Variants in STPG2 observed in about 807,000 individuals in gnomAD.
STPG2 encodes sperm-tail PG-rich repeat-containing protein 2.
Under a neutral mutation model 54.2 loss-of-function variants are expected in STPG2, and 56 were observed. That is an observed-to-expected ratio of 1.03 (90% CI 0.83 to 1.29). The LOEUF (loss-of-function observed/expected upper bound fraction) is 1.29. Among genes scored for constraint, STPG2 ranks in the 50% most tolerant of loss-of-function variants. STPG2 has a pLI of 0.00. For synonymous variants in STPG2, 200 were observed against 181.8 expected, an observed-to-expected ratio of 1.10 and a Z score of -0.81; for missense variants, 596 against 544.9, an observed-to-expected ratio of 1.09 and a Z score of -0.93.
At position 97,945,823 on chromosome 4, in the gene STPG2, C is replaced by A. The variant is rs541837407; in HGVS notation, c.934-1816G>T. On this transcript the variant is annotated intron_variant, in intron 7 of 10. Coordinates refer to ENST00000295268, the MANE Select transcript of STPG2 (RefSeq NM_174952.3). ...CCTGTAATCCCACCACTTTGGGAGG[C>A]CAAATTAGGCAGATCACTTGAGCCC... Among the ~76,000 whole-genome samples the A allele has an allele frequency of 1.4e-4, 21 of 152,178 alleles. No homozygotes were observed. The South Asian group carries it at 4.4e-3, about 32-fold the overall frequency.
At chr4:97,960,845 A>T (rs1339035776) in intron 7 of STPG2, among the ~76,000 whole-genome samples, 1 of 152,068 alleles carries the variant, frequency 6.6e-6, no homozygotes, top group East Asian at 1.9e-4. Context: ...TAGAAAAAAT[A>T]TCCTAAAATT....
At chr4:97,670,604 C>A (rs1722668270) in intron 10 of STPG2, among the ~76,000 whole-genome samples, 1 of 152,178 alleles carries the variant, frequency 6.6e-6, no homozygotes, top group Non-Finnish European at 1.5e-5. Context: ...ATGCTATTTT[C>A]TCTTACTCAG....
chr4:97,505,788 A>G (rs1446000037), intron 4 of STPG2, among the ~76,000 whole-genome samples: 1 of 151,792 alleles, frequency 6.6e-6, no homozygotes. Flanking sequence ...CTGTATCCTA[A>G]GTGGTGGTCT....
intron 10 of STPG2, among the ~76,000 whole-genome samples, chr4:97,609,646 A>T (rs146202867): frequency 9.3e-4 from 141 of 152,052 alleles, no homozygotes; most frequent in African/African-American, 3.1e-3. Flanking sequence ...TCTAATGGGG[A>T]TGTTTGTAAT....
At chr4:97,971,413 C>T (rs1323683251) in intron 7 of STPG2, among the ~76,000 whole-genome samples, 4 of 152,080 alleles carry the variant, frequency 2.6e-5, no homozygotes, top group Non-Finnish European at 4.4e-5. Flanking sequence ...AAATGTCTAT[C>T]AATGATAGAC....
chr4:98,099,005 T>C (rs990820541), intron 5 of STPG2, among the ~76,000 whole-genome samples: 1 of 152,066 alleles, frequency 6.6e-6, no homozygotes, highest in African/African-American at 2.4e-5. Context: ...TGTACACTGA[T>C]GGTGGGAATG....
chr4:97,741,784 A>T (rs1725246086), intron 9 of STPG2, among the ~76,000 whole-genome samples: 1 of 152,006 alleles, frequency 6.6e-6, no homozygotes, highest in South Asian at 2.1e-4. Flanking sequence ...AACTAGTTCA[A>T]CCATTGTGGA....
At chr4:97,821,042 A>G (rs1005660636) in intron 9 of STPG2, among the ~76,000 whole-genome samples, 1 of 152,124 alleles carries the variant, frequency 6.6e-6, no homozygotes, top group Non-Finnish European at 1.5e-5. Context: ...TCATTTTAGC[A>G]TCACTCAAAA....
At chr4:97,960,729 C>T (rs887350486) in intron 7 of STPG2, among the ~76,000 whole-genome samples, 2 of 152,082 alleles carry the variant, frequency 1.3e-5, no homozygotes, top group African/African-American at 4.8e-5. Context: ...ACATCCCATA[C>T]TCATGGATGG....
At chr4:97,582,332 G>A (rs983370942) in intron 10 of STPG2, among the ~76,000 whole-genome samples, 2 of 151,814 alleles carry the variant, frequency 1.3e-5, no homozygotes. Flanking sequence ...TGATAAGCTT[G>A]AAAAAATAGT....
At chr4:97,526,187 T>G (rs1731276830) in intron 4 of STPG2, among the ~76,000 whole-genome samples, 2 of 152,030 alleles carry the variant, frequency 1.3e-5, no homozygotes, top group Admixed American at 6.6e-5. Context: ...TAATATAAAC[T>G]GAAAACTAGA....
chr4:97,667,978 A>G lies in STPG2; in HGVS notation c.1320+44721T>C, dbSNP rs150661571. 4.3e-3 allele frequency among the ~76,000 whole-genome samples: 648 copies of G among 152,340 alleles called. 2 individuals carry two copies. The highest frequency in any genetic ancestry group is 0.014 in the Middle Eastern group (4 of 294). On this transcript the variant is annotated intron_variant, in intron 10 of 10. Coordinates refer to ENST00000295268, the MANE Select transcript of STPG2 (RefSeq NM_174952.3). ...GAGTGGAAAACAGTGATTTATTTAT[A>G]TAACAGGATATTATCAGTAATTTAA... is the stretch of plus-strand genomic sequence containing the variant.
chr4:97,982,198 A>G (rs1193765211), intron 5 of STPG2, among the ~76,000 whole-genome samples: 3 of 152,120 alleles, frequency 2.0e-5, no homozygotes, highest in Non-Finnish European at 4.4e-5. Context: ...TTAACTTTTC[A>G]TTTGAAAAGA....
chr4:97,650,214 T>C (rs541384382), intron 10 of STPG2, among the ~76,000 whole-genome samples: 33 of 152,294 alleles, frequency 2.2e-4, no homozygotes, highest in African/African-American at 7.5e-4. Flanking sequence ...ACATACCTCC[T>C]GCTATGCAGC....
chr4:97,939,254 T>A (rs1322730115), intron 8 of STPG2, among the ~76,000 whole-genome samples: 1 of 152,218 alleles, frequency 6.6e-6, no homozygotes. Flanking sequence ...TCAGAGTATG[T>A]GCCATGTGGC....
intron 6 of STPG2, among the ~76,000 whole-genome samples, chr4:97,976,676 CTCTAA>C (rs1734511054): frequency 6.6e-6 from 1 of 152,048 alleles, no homozygotes; most frequent in South Asian, 2.1e-4. Flanking sequence ...CAATTCTTTA[CTCTAA>C]TCTAATAATT....
chr4:98,141,032 A>T (rs996093221), intron 1 of STPG2, among the ~76,000 whole-genome samples: 2 of 150,888 alleles, frequency 1.3e-5, no homozygotes, highest in African/African-American at 4.9e-5. Context: ...ACATTTAAAG[A>T]TGTGTCAAAT....
intron 10 of STPG2, among the ~76,000 whole-genome samples, chr4:97,565,629 G>C (rs1291525118): frequency 1.3e-5 from 2 of 152,122 alleles, no homozygotes; most frequent in Non-Finnish European, 2.9e-5. Context: ...TATCCTTTCT[G>C]TTTGTTAGTT....
intron 7 of STPG2, among the ~76,000 whole-genome samples, chr4:97,966,367 G>C (rs1207725931): frequency 1.3e-5 from 2 of 152,130 alleles, no homozygotes; most frequent in Admixed American, 6.5e-5. Flanking sequence ...AGAAATATGG[G>C]ACTATGTGAA....
Sources: gnomAD v4.1 joint callset for allele counts (sites outside exome capture counted in the v4.1 genomes callset) on GRCh38, gnomAD v4.1.1 for gene constraint, MANE v1.5 for transcripts, NCBI Gene and HGNC (gene_info 2026-07-23, HGNC 2026-07-21) for gene names.